Variants in CNTN4 observed in about 807,000 individuals in gnomAD.
CNTN4 encodes contactin 4, also known as contactin-4.
Under a neutral mutation model 122.5 loss-of-function variants are expected in CNTN4, and 77 were observed. The observed-to-expected ratio is 0.63, with a 90% CI of 0.52 to 0.76. CNTN4 has a LOEUF of 0.76. Ranked by LOEUF, CNTN4 falls within the 30% of genes least tolerant of loss-of-function variation. The probability of loss-of-function intolerance (pLI) is 0.00; values close to 1 mark genes in which losing one functional copy is unlikely to be tolerated. For missense variants in CNTN4, 1,256 were observed against 1,259.1 expected (o/e 1.00, Z 0.04); for synonymous variants, 512 against 447.0 (o/e 1.15, Z -1.83).
chr3:2,908,726 G>GA (rs1353461439), intron 12 of CNTN4, among the ~76,000 whole-genome samples: 1 of 152,198 alleles, frequency 6.6e-6, no homozygotes. Context: ...AGAATATTGT[G>GA]AAAAAAGTTT....
At chr3:2,652,302 C>T (rs1576349070) in intron 4 of CNTN4, among the ~76,000 whole-genome samples, 1 of 152,142 alleles carries the variant, frequency 6.6e-6, no homozygotes. Context: ...TACACATTCA[C>T]TTACAAAACA....
At chr3:3,013,470 T>C (rs1396248090) in intron 14 of CNTN4, among the ~76,000 whole-genome samples, 3 of 152,118 alleles carry the variant, frequency 2.0e-5, no homozygotes, top group Non-Finnish European at 4.4e-5. Context: ...TGATTTCCAG[T>C]GAACGGAGTC....
intron 3 of CNTN4, among the ~76,000 whole-genome samples, chr3:2,435,537 A>G (rs1208517552): frequency 2.0e-5 from 3 of 152,176 alleles, no homozygotes; most frequent in Non-Finnish European, 4.4e-5. Context: ...TAAGCTGTAT[A>G]CAATCTGTAA....
intron 2 of CNTN4, among the ~76,000 whole-genome samples, chr3:2,236,588 G>C (rs1274488992): frequency 6.6e-6 from 1 of 152,186 alleles, no homozygotes; most frequent in Non-Finnish European, 1.5e-5. Context: ...ATTGAACCCA[G>C]TACTTTTTGT....
At chr3:2,680,264 G>T (rs1349524524) in intron 4 of CNTN4, among the ~76,000 whole-genome samples, 1 of 152,156 alleles carries the variant, frequency 6.6e-6, no homozygotes, top group Non-Finnish European at 1.5e-5. Flanking sequence ...TCAAAAAGAG[G>T]GAGATTATTT....
chr3:2,705,697 A>G (rs1485316444), intron 4 of CNTN4, among the ~76,000 whole-genome samples: 1 of 96,160 alleles, frequency 1.0e-5, no homozygotes, highest in Non-Finnish European at 1.8e-5. Flanking sequence ...ATAAATAAAT[A>G]TATAAAATAT....
intron 2 of CNTN4, among the ~76,000 whole-genome samples, chr3:2,274,693 G>A (rs985846037): frequency 6.6e-6 from 1 of 152,106 alleles, no homozygotes; most frequent in Non-Finnish European, 1.5e-5. Context: ...CCCTGGGGAG[G>A]GAGGGAAGAG....
At chr3:2,159,145 C>G (rs555260166) in intron 2 of CNTN4, among the ~76,000 whole-genome samples, 1 of 152,136 alleles carries the variant, frequency 6.6e-6, no homozygotes, top group South Asian at 2.1e-4. Flanking sequence ...AGGATCTGAT[C>G]TGAGAGAGAG....
intron 4 of CNTN4, among the ~76,000 whole-genome samples, chr3:2,589,595 A>G (rs1009548785): frequency 2.0e-5 from 3 of 152,222 alleles, no homozygotes; most frequent in African/African-American, 7.2e-5. Flanking sequence ...AATAAAAACA[A>G]ACATTTATGA....
intron 3 of CNTN4, among the ~76,000 whole-genome samples, chr3:2,549,863 G>T (rs2078412524): frequency 6.6e-6 from 1 of 152,104 alleles, no homozygotes; most frequent in Admixed American, 6.6e-5. Context: ...ATTAATTACT[G>T]CTTCAATTTC....
At chr3:2,363,434 G>A (rs369383881) in intron 3 of CNTN4, among the ~76,000 whole-genome samples, 5 of 152,190 alleles carry the variant, frequency 3.3e-5, no homozygotes, top group Non-Finnish European at 5.9e-5. Flanking sequence ...CATGCTGTTA[G>A]AACTAATCTT....
At chr3:2,601,800 T>A (rs1214575198) in intron 4 of CNTN4, among the ~76,000 whole-genome samples, 2 of 152,020 alleles carry the variant, frequency 1.3e-5, no homozygotes, top group African/African-American at 4.8e-5. Flanking sequence ...AAAAGAGAAT[T>A]TTAGACCAAA....
At chr3:2,411,165 C>T (rs1236624173) in intron 3 of CNTN4, among the ~76,000 whole-genome samples, 1 of 152,074 alleles carries the variant, frequency 6.6e-6, no homozygotes, top group Non-Finnish European at 1.5e-5. Context: ...ACACTAGGGC[C>T]TATCGGGGTC....
chr3:2,812,079 C>T (rs1466821968), intron 6 of CNTN4, among the ~76,000 whole-genome samples: 1 of 152,080 alleles, frequency 6.6e-6, no homozygotes, highest in African/African-American at 2.4e-5. Flanking sequence ...AAGATGAGAA[C>T]ACGTGGACAC....
chr3:2,720,477 C>G (rs1221584591), intron 4 of CNTN4, among the ~76,000 whole-genome samples: 1 of 152,166 alleles, frequency 6.6e-6, no homozygotes, highest in Non-Finnish European at 1.5e-5. Flanking sequence ...ATGTACCCAA[C>G]TGAGCCATCA....
At chr3:2,814,998 C>T (rs780135435) in intron 6 of CNTN4, among the ~76,000 whole-genome samples, 16 of 152,114 alleles carry the variant, frequency 1.1e-4, no homozygotes, top group Non-Finnish European at 2.1e-4. Context: ...TCTCATAATG[C>T]CTGCTGCTAC....
intron 2 of CNTN4, among the ~76,000 whole-genome samples, chr3:2,303,571 TTTTA>T: frequency 1.3e-5 from 2 of 152,334 alleles, no homozygotes; most frequent in South Asian, 4.1e-4. Flanking sequence ...ATATACCACA[TTTTA>T]TTTATTTATT....
intron 3 of CNTN4, among the ~76,000 whole-genome samples, chr3:2,353,106 C>T (rs140458540): frequency 1.0e-3 from 155 of 151,700 alleles, no homozygotes; most frequent in African/African-American, 3.6e-3. Context: ...TATGTCTAGC[C>T]GGAGGATTGT....
intron 6 of CNTN4, among the ~76,000 whole-genome samples, chr3:2,798,898 G>C (rs1265185883): frequency 6.6e-6 from 1 of 152,004 alleles, no homozygotes; most frequent in Non-Finnish European, 1.5e-5. Context: ...TCTATTTTCA[G>C]TTCTTTGAGA....
Sources: allele counts gnomAD v4.1 joint callset (sites outside exome capture counted in the v4.1 genomes callset), GRCh38; gene constraint gnomAD v4.1.1; transcripts MANE v1.5; gene names NCBI Gene and HGNC (gene_info 2026-07-23, HGNC 2026-07-21).